Variants in CYP2F1 observed in about 807,000 individuals in gnomAD.
CYP2F1 encodes cytochrome P450 family 2 subfamily F member 1.
A neutral mutation model predicts 40.4 loss-of-function variants in CYP2F1; 33 were observed. The ratio of observed to expected loss-of-function variants is 0.82; its 90% CI spans 0.62 to 1.09. The LOEUF (loss-of-function observed/expected upper bound fraction) is 1.09. Ranked by LOEUF, CYP2F1 falls within the 50% of genes least tolerant of loss-of-function variation. The pLI, the probability that CYP2F1 is intolerant of heterozygous loss-of-function variation, is 0.00. For missense variants in CYP2F1, 566 were observed against 655.7 expected, an observed-to-expected ratio of 0.86 and a Z score of 1.49; for synonymous variants, 235 against 277.2, an observed-to-expected ratio of 0.85 and a Z score of 1.51.
chr19:41,124,255 CTTTTTTTTTT>C (rs61661824), intron 7 of CYP2F1, among the ~76,000 whole-genome samples: 6 of 35,250 alleles, frequency 1.7e-4, no homozygotes, highest in African/African-American at 6.1e-4. Context: ...TCCCCCCCCC[CTTTTTTTTTT>C]TTTTTTTTTT....
chr19:41,128,068 C>G lies in CYP2F1; in HGVS notation c.1462C>G (p.Leu488Val). ...TTTGCCGCGGCCTTTCCAGCTGTGC[C>G]TGCGCCCGCGCTAACGCCCCGGCCC... ...GNLPRPFQLC[L>V]RPR The change falls in exon 10 of 10, where the codon CTG (leucine) becomes GTG (valine). Residue 488 changes from leucine (L) to valine (V), a missense_variant. Around this residue, in one of 5 missense-constraint regions of CYP2F1, gnomAD observed 85 missense variants for 84.9 expected, o/e 1.00. Coordinates refer to ENST00000331105, the MANE Select transcript of CYP2F1 (RefSeq NM_000774.5). 6.2e-7 allele frequency: 1 copy of G among 1,605,732 alleles called. No homozygotes were observed. Among genetic ancestry groups the G allele is most frequent in the Non-Finnish European group, 8.5e-7 (1 of 1,176,156 alleles).
Position 41,116,181 on chromosome 19 carries a change from C to G in CYP2F1, c.-8C>G, listed in dbSNP as rs766539458. Reference sequence around the variant, plus strand: ...TTTGCCCTCCACACGCCAGCAGCTGCCTTCACCATGGACAGCATAAGCACA... The same window carrying G: ...TTTGCCCTCCACACGCCAGCAGCTGGCTTCACCATGGACAGCATAAGCACA... On this transcript the variant is annotated 5_prime_UTR_variant, in exon 2 of 10. Coordinates refer to ENST00000331105, the MANE Select transcript of CYP2F1 (RefSeq NM_000774.5). The G allele has an allele frequency of 6.2e-7, 1 of 1,604,058 alleles. No individual in the cohort carries two copies. Among genetic ancestry groups the G allele is most frequent in the East Asian group, 2.2e-5 (1 of 44,652 alleles).
chr19:41,119,748 T>TATACACACACACACAC (rs1337166345), intron 3 of CYP2F1, among the ~76,000 whole-genome samples: 1 of 36,076 alleles, frequency 2.8e-5, no homozygotes, highest in Non-Finnish European at 4.9e-5. Context: ...TATATATATA[T>TATACACACACACACAC]ACACACACAC....
At chr19:41,124,656 T>G in intron 7 of CYP2F1, 63 bp from the exon 8 acceptor site, 1 of 1,469,200 alleles carries the variant, frequency 6.8e-7, no homozygotes, top group South Asian at 1.2e-5. Context: ...ACACCTCTTA[T>G]CAGCCTGGTT....
chr19:41,114,524 G>T (rs2031671413), intron 1 of CYP2F1, 32 bp downstream of exon 1: 2 of 152,368 alleles, frequency 1.3e-5, no homozygotes, highest in South Asian at 2.1e-4. Flanking sequence ...GGCAGAGAAG[G>T]AGGGGGTGTC....
At chr19:41,119,740 T>TACACAC (rs1232745830) in intron 3 of CYP2F1, among the ~76,000 whole-genome samples, 1 of 73,422 alleles carries the variant, frequency 1.4e-5, no homozygotes, top group Non-Finnish European at 2.7e-5. Context: ...TATATATATA[T>TACACAC]ATATATATAC....
chr19:41,127,001 T>C (rs2032571820), intron 9 of CYP2F1, among the ~76,000 whole-genome samples: 1 of 152,168 alleles, frequency 6.6e-6, no homozygotes, highest in Non-Finnish European at 1.5e-5. Context: ...TAACTTACCA[T>C]ATTGCCTACT....
At chr19:41,119,738 TATATATATATAC>T (rs1486386868) in intron 3 of CYP2F1, among the ~76,000 whole-genome samples, 3 of 73,338 alleles carry the variant, frequency 4.1e-5, no homozygotes, top group African/African-American at 1.6e-4. Context: ...TATATATATA[TATATATATATAC>T]ACACACACAC....
chr19:41,116,428 C>G, intron 2 of CYP2F1, 27 bp from the exon 3 acceptor site: 2 of 1,607,804 alleles, frequency 1.2e-6, no homozygotes, highest in South Asian at 2.2e-5. Flanking sequence ...ACAGGCCCCC[C>G]TGTAACTTCT....
At chr19:41,121,643 G>A (rs191940398) in intron 5 of CYP2F1, 25 bp downstream of exon 5, 134,293 of 1,595,984 alleles carry the variant, frequency 0.084, 7,753 homozygotes, top group Admixed American at 0.18. Context: ...TCCAGCAGGG[G>A]CAGGGTGTGG....
chr19:41,121,903 C>T (rs1380118343), intron 5 of CYP2F1, 54 bp from the exon 6 acceptor site: 1 of 1,542,100 alleles, frequency 6.5e-7, no homozygotes, highest in South Asian at 1.1e-5. Context: ...CCCCATTCGC[C>T]CCTGAACACC....
At chr19:41,116,670 G>T in intron 3 of CYP2F1, 53 bp downstream of exon 3, 1 of 1,585,134 alleles carries the variant, frequency 6.3e-7, no homozygotes. Flanking sequence ...ATTGAGGGAG[G>T]GGGTGAGGGT....
At chr19:41,121,219 G>C (rs2032178328) in intron 4 of CYP2F1, among the ~76,000 whole-genome samples, 1 of 152,076 alleles carries the variant, frequency 6.6e-6, no homozygotes, top group South Asian at 2.1e-4. Context: ...CCGTTCTGTG[G>C]TTGGGCGTTG....
In CYP2F1 at chr19:41,116,198, A is replaced by C; in HGVS notation, c.10A>C (p.Ile4Leu). 1.2e-6 allele frequency: 2 copies of C among 1,600,412 alleles called. No homozygotes were observed. Among genetic ancestry groups the C allele is most frequent in the Non-Finnish European group, 1.7e-6 (2 of 1,176,934 alleles). MDS[I>L]STAILLLLLA... is the part of the protein sequence containing the mutation. Reference sequence around the variant, plus strand: ...AGCAGCTGCCTTCACCATGGACAGCATAAGCACAGCCATCTTACTCCTGCT... The same window carrying C: ...AGCAGCTGCCTTCACCATGGACAGCCTAAGCACAGCCATCTTACTCCTGCT... Residue 4 changes from isoleucine to leucine, a missense_variant, in exon 2 of 10, where the codon ATA becomes CTA. This residue lies in a region of CYP2F1 where 264 missense variants were observed against 275.7 expected (regional missense o/e 0.96). Transcript: ENST00000331105.
Position 41,122,870 on chromosome 19 carries a change from A to G in CYP2F1, c.871A>G (p.Thr291Ala), listed in dbSNP as rs372625854. ...CTTCCACATGGATACCCTGCTGATG[A>G]CCACACATAACCTGCTCTTTGGCGG... is the stretch of plus-strand genomic sequence containing the variant. ...SHFHMDTLLM[T>A]THNLLFGGTK... Residue 291 changes from threonine (T) to alanine (A), a missense_variant, in exon 7 of 10, where the codon ACC becomes GCC. Around this residue, in one of 5 missense-constraint regions of CYP2F1, gnomAD observed 62 missense variants for 105.6 expected, o/e 0.59. Coordinates refer to ENST00000331105, the MANE Select transcript of CYP2F1 (RefSeq NM_000774.5). 14 of 1,574,780 alleles carry G rather than the reference A, an allele frequency of 8.9e-6. No homozygotes were observed. In the African/African-American group the frequency reaches 1.2e-4, roughly 14 times the overall value.
chr19:41,116,991 TCAC>T (rs1184448809), intron 3 of CYP2F1, among the ~76,000 whole-genome samples: 4 of 151,838 alleles, frequency 2.6e-5, no homozygotes, highest in African/African-American at 9.7e-5. Flanking sequence ...TCCCCAGTGT[TCAC>T]CACATCAGCC....
Position 41,124,215 on chromosome 19 carries a change from C to T in CYP2F1, c.965-504C>T, listed in dbSNP as rs1380985507. ...CCTCACTGACCCACTTCCTCCCAGA[C>T]CCTGGCTAATTCTTTTTTTTTTTTC... is the stretch of plus-strand genomic sequence containing the variant. On this transcript the variant is annotated intron_variant, in intron 7 of 9. Transcript: ENST00000331105. Among the ~76,000 whole-genome samples, 4 of 149,528 alleles carry T rather than the reference C, an allele frequency of 2.7e-5. No individual in the cohort carries two copies. In the South Asian group the frequency reaches 6.3e-4, roughly 24 times the overall value.
Position 41,124,817 on chromosome 19 carries a change from G to C in CYP2F1, c.1063G>C (p.Glu355Gln). 1 of 1,611,664 alleles carries C rather than the reference G, an allele frequency of 6.2e-7. No homozygotes were observed. Among genetic ancestry groups the C allele is most frequent in the East Asian group, 2.2e-5 (1 of 44,852 alleles). The change falls in exon 8 of 10, where the codon GAG (glutamate) becomes CAG (glutamine). Residue 355 changes from glutamate (E) to glutamine (Q), a missense_variant. Coordinates refer to ENST00000331105, the MANE Select transcript of CYP2F1 (RefSeq NM_000774.5). ...AMPYTDAVIH[E>Q]VQRFADIIPM... is the part of the protein sequence containing the mutation. Reference sequence around the variant, plus strand: ...GCCTTACACAGACGCGGTGATCCACGAGGTGCAGCGCTTTGCAGACATCAT... The same window carrying C: ...GCCTTACACAGACGCGGTGATCCACCAGGTGCAGCGCTTTGCAGACATCAT...
intron 3 of CYP2F1, among the ~76,000 whole-genome samples, chr19:41,119,744 TATATACACACAC>T (rs1324783471): frequency 5.6e-4 from 36 of 63,900 alleles, no homozygotes; most frequent in African/African-American, 1.8e-3. Context: ...TATATATATA[TATATACACACAC>T]ACACACACAC....
Sources: gnomAD v4.1 joint callset for allele counts (sites outside exome capture counted in the v4.1 genomes callset) on GRCh38, gnomAD v4.1.1 for gene constraint, gnomAD v4.1.1 regional missense constraint, MANE v1.5 for transcripts, NCBI Gene and HGNC (gene_info 2026-07-23, HGNC 2026-07-21) for gene names.